The following TEKT3 variants were observed in gnomAD, a reference collection of about 807,000 sequenced individuals.
The protein encoded by TEKT3 is tektin 3.
Under a neutral mutation model 49.8 loss-of-function variants are expected in TEKT3, and 49 were observed. That is an observed-to-expected ratio of 0.98 (90% CI 0.78 to 1.25). The LOEUF (loss-of-function observed/expected upper bound fraction) is 1.25. TEKT3 is among the 50% of genes most tolerant of loss of function. TEKT3 has a pLI of 0.00. For synonymous variants in TEKT3, 225 were observed against 237.2 expected (o/e 0.95, Z 0.47); for missense variants, 595 against 629.5 (o/e 0.95, Z 0.59).
At chr17:15,307,797 A>C (rs1009026814) in intron 8 of TEKT3, among the ~76,000 whole-genome samples, 1 of 152,284 alleles carries the variant, frequency 6.6e-6, no homozygotes, top group Admixed American at 6.5e-5. Context: ...TTACTTCTGC[A>C]TGGAGCATCT....
At chr17:15,313,987 C>T in intron 6 of TEKT3, 100 bp downstream of exon 6, 1 of 1,547,522 alleles carries the variant, frequency 6.5e-7, no homozygotes, top group South Asian at 1.2e-5. Flanking sequence ...CTTCAGATAT[C>T]TTACCTTGCT....
intron 1 of TEKT3, chr17:15,340,651 G>C (rs1487787915): frequency 6.6e-6 from 1 of 152,212 alleles, no homozygotes; most frequent in Non-Finnish European, 1.5e-5. Flanking sequence ...AATAGGGATA[G>C]GTAAGGAGAG....
intron 2 of TEKT3, among the ~76,000 whole-genome samples, chr17:15,334,701 TGTACGG>T (rs1911913841): frequency 6.6e-6 from 1 of 152,236 alleles, no homozygotes; most frequent in Non-Finnish European, 1.5e-5. Context: ...GAACTCCTCA[TGTACGG>T]CAGTCAGTTT....
At chr17:15,331,785 G>GT (rs377537787) in intron 2 of TEKT3, among the ~76,000 whole-genome samples, 171 bp from the exon 3 acceptor site, 42 of 151,436 alleles carry the variant, frequency 2.8e-4, no homozygotes, top group Admixed American at 1.3e-3. Context: ...TTCCAACAAA[G>GT]TTTTTTTTTA....
chr17:15,331,062 G>C lies in TEKT3; in HGVS notation c.524C>G (p.Thr175Ser). 6.2e-7 allele frequency: 1 copy of C among 1,614,128 alleles called. No homozygotes were observed. The highest frequency in any genetic ancestry group is 1.1e-5 in the South Asian group (1 of 91,066). The change falls in exon 3 of 9, where the codon ACT becomes AGT. Residue 175 changes from threonine (T) to serine (S), a missense_variant. By Grantham distance (58) the Thr-to-Ser change is moderately conservative (BLOSUM62 1). Coordinates refer to ENST00000395930, the MANE Select transcript of TEKT3 (RefSeq NM_031898.3). ...CCGCTCCAGTCTTTTCTTCACATCA[G>C]TAAGTGCATTTGTCTCTCCAATCAT... is the stretch of plus-strand genomic sequence containing the variant. ...DEMIGETNAL[T>S]DVKKRLERAL...
intron 7 of TEKT3, among the ~76,000 whole-genome samples, chr17:15,309,793 T>C (rs1475144322): frequency 6.6e-6 from 1 of 152,178 alleles, no homozygotes; most frequent in Admixed American, 6.5e-5. Context: ...GCTGCTGTCA[T>C]GAAACTTCAG....
intron 2 of TEKT3, among the ~76,000 whole-genome samples, chr17:15,334,854 G>A (rs1911918015): frequency 6.6e-6 from 1 of 152,070 alleles, no homozygotes; most frequent in Admixed American, 6.5e-5. Flanking sequence ...ATGCATTTTG[G>A]GCCATTAATG....
intron 2 of TEKT3, among the ~76,000 whole-genome samples, chr17:15,332,516 G>A (rs932725217): frequency 4.6e-5 from 7 of 152,212 alleles, no homozygotes; most frequent in Middle Eastern, 3.4e-3. Flanking sequence ...GCAACTCCCC[G>A]CCCCTGCCCC....
rs145020901 is a variant in TEKT3, at chr17:15,304,954, A to G, written c.1257-802T>C. Among the ~76,000 whole-genome samples the G allele has an allele frequency of 6.6e-6, 1 of 152,314 alleles. No homozygotes were observed. Among genetic ancestry groups the G allele is most frequent in the Non-Finnish European group, 1.5e-5 (1 of 68,024 alleles). ...CCAAAAGGACCAAGCCTTTTACGGCACTCAGGGTCTTGTGATTGTCTGCTT... is the reference window on the plus strand; with the variant it reads ...CCAAAAGGACCAAGCCTTTTACGGCGCTCAGGGTCTTGTGATTGTCTGCTT... On this transcript the variant is annotated intron_variant, in intron 8 of 8. Coordinates refer to ENST00000395930, the MANE Select transcript of TEKT3 (RefSeq NM_031898.3). The surrounding 1 kb of genome is among the most constrained non-coding windows in gnomAD (Gnocchi z 4.7).
chr17:15,341,824 T>G (rs981448305), upstream of TEKT3, among the ~76,000 whole-genome samples: 1 of 152,230 alleles, frequency 6.6e-6, no homozygotes, highest in Non-Finnish European at 1.5e-5. Context: ...ACCTCCTTGG[T>G]TTGGGAGGTG....
chr17:15,320,517 C>A (rs1451516182), intron 4 of TEKT3, among the ~76,000 whole-genome samples: 2 of 152,132 alleles, frequency 1.3e-5, no homozygotes, highest in Non-Finnish European at 2.9e-5. Context: ...GTTACTTAGA[C>A]AATAAAGGCC....
chr17:15,313,983 A>T, intron 6 of TEKT3, 104 bp downstream of exon 6: 1 of 1,527,590 alleles, frequency 6.5e-7, no homozygotes, highest in South Asian at 1.2e-5. Flanking sequence ...TCACCTTCAG[A>T]TATCTTACCT....
In TEKT3 at chr17:15,304,125, G is replaced by A. The variant is rs758376515; in HGVS notation, c.1284C>T (p.Asp428=). ...LRLVNEVHEV[D]DTIQTLQQRL... ...GCTGCTGCAGGGTCTGGATGGTGTC[G>A]TCAACCTCGTGTACCTCGTTAACAA... The change falls in exon 9 of 9, where the codon GAC becomes GAT. Residue 428 remains aspartate (D), a synonymous_variant. Coordinates refer to ENST00000395930, the MANE Select transcript of TEKT3 (RefSeq NM_031898.3). The surrounding 1 kb of genome is among the most constrained non-coding windows in gnomAD (Gnocchi z 4.7). The A allele has an allele frequency of 1.3e-5, 21 of 1,614,150 alleles. No individual in the cohort carries two copies. Among genetic ancestry groups the A allele is most frequent in the Admixed American group, 3.3e-5 (2 of 60,028 alleles).
chr17:15,336,976 T>A (rs1912004245), intron 2 of TEKT3, among the ~76,000 whole-genome samples: 1 of 152,128 alleles, frequency 6.6e-6, no homozygotes, highest in Non-Finnish European at 1.5e-5. Context: ...TGAATGAGGA[T>A]GAGAGCCCAG....
At chr17:15,323,263 C>T (rs540473999) in intron 4 of TEKT3, among the ~76,000 whole-genome samples, 1 of 152,312 alleles carries the variant, frequency 6.6e-6, no homozygotes, top group African/African-American at 2.4e-5. Flanking sequence ...AGTATTTTTG[C>T]TTTCTGCTTC....
chr17:15,325,827 T>G (rs947983908), intron 4 of TEKT3, among the ~76,000 whole-genome samples: 2 of 152,194 alleles, frequency 1.3e-5, no homozygotes, highest in East Asian at 3.8e-4. Context: ...CCAGTTAGGA[T>G]GACAAAGTAG....
At chr17:15,323,488 A>G (rs974418468) in intron 4 of TEKT3, among the ~76,000 whole-genome samples, 1 of 152,146 alleles carries the variant, frequency 6.6e-6, no homozygotes, top group African/African-American at 2.4e-5. Context: ...TAGTACCATG[A>G]TTGCCTCCCC....
At chr17:15,324,062 A>G (rs1273321300) in intron 4 of TEKT3, among the ~76,000 whole-genome samples, 1 of 152,202 alleles carries the variant, frequency 6.6e-6, no homozygotes, top group Non-Finnish European at 1.5e-5. Flanking sequence ...TTCCAAAGAA[A>G]TCATGTGCCC....
chr17:15,315,696 G>C (rs1331223953), intron 5 of TEKT3, among the ~76,000 whole-genome samples: 1 of 152,092 alleles, frequency 6.6e-6, no homozygotes, highest in Non-Finnish European at 1.5e-5. Context: ...TGGAAGTTCA[G>C]TTGACATAGT....
Sources: allele counts gnomAD v4.1 joint callset (sites outside exome capture counted in the v4.1 genomes callset), GRCh38; gene constraint gnomAD v4.1.1; non-coding constraint Gnocchi (gnomAD v3.1); transcripts MANE v1.5; gene names NCBI Gene and HGNC (gene_info 2026-07-23, HGNC 2026-07-21).